The following TMEM132C variants were observed in gnomAD, a reference collection of about 807,000 sequenced individuals.
The protein encoded by TMEM132C is protein phosphatase 1, regulatory subunit 152.
Under a neutral mutation model 61.4 loss-of-function variants are expected in TMEM132C, and 29 were observed. That is an observed-to-expected ratio of 0.47 (90% CI 0.35 to 0.64). The LOEUF (loss-of-function observed/expected upper bound fraction) is 0.64, where lower values mean the gene tolerates loss of function less well. Among genes scored for constraint, TMEM132C ranks in the 30% least tolerant of loss-of-function variants. The probability of loss-of-function intolerance (pLI) is 0.00; values close to 1 mark genes in which losing one functional copy is unlikely to be tolerated. For synonymous variants in TMEM132C, 656 were observed against 633.1 expected (o/e 1.04, Z -0.54); for missense variants, 1,408 against 1,476.9 (o/e 0.95, Z 0.76).
At chr12:128,381,886 G>C (rs1874411747) in intron 1 of TMEM132C, among the ~76,000 whole-genome samples, 1 of 152,164 alleles carries the variant, frequency 6.6e-6, no homozygotes, top group Admixed American at 6.5e-5. Flanking sequence ...CTCTTAAGAG[G>C]AAAAGGGGAG....
chr12:128,622,959 A>T (rs191326096), intron 4 of TMEM132C, among the ~76,000 whole-genome samples: 1 of 152,174 alleles, frequency 6.6e-6, no homozygotes, highest in Admixed American at 6.5e-5. Context: ...AAAAATAACT[A>T]TATGGACAGA....
At chr12:128,507,042 A>T (rs1287374998) in intron 2 of TMEM132C, among the ~76,000 whole-genome samples, 3 of 152,056 alleles carry the variant, frequency 2.0e-5, no homozygotes, top group Admixed American at 6.6e-5. Flanking sequence ...CCCAGGGAAA[A>T]AGAAGTCCTG....
At chr12:128,410,829 A>G (rs887960280) in intron 1 of TMEM132C, among the ~76,000 whole-genome samples, 9 of 152,330 alleles carry the variant, frequency 5.9e-5, no homozygotes, top group East Asian at 1.9e-4. Flanking sequence ...AATTTTGCCA[A>G]TGGTCTCAAA....
chr12:128,362,002 T>C (rs758056343), intron 1 of TMEM132C, among the ~76,000 whole-genome samples: 4 of 151,878 alleles, frequency 2.6e-5, no homozygotes, highest in Non-Finnish European at 5.9e-5. Flanking sequence ...AACAAGCAGG[T>C]TGGGGGACTC....
chr12:128,675,883 A>AG (rs1566011931), intron 5 of TMEM132C, among the ~76,000 whole-genome samples: 24 of 86,720 alleles, frequency 2.8e-4, no homozygotes, highest in African/African-American at 1.4e-3. Context: ...ATAGATAGAT[A>AG]AATAGATAGA....
At chr12:128,654,606 T>C (rs1005541893) in intron 4 of TMEM132C, among the ~76,000 whole-genome samples, 1 of 152,192 alleles carries the variant, frequency 6.6e-6, no homozygotes, top group African/African-American at 2.4e-5. Context: ...CCAATAACTC[T>C]GAGCCGCTCT....
At chr12:128,388,286 C>G (rs12578533) in intron 1 of TMEM132C, among the ~76,000 whole-genome samples, 23,460 of 152,244 alleles carry the variant, frequency 0.15, 2,007 homozygotes, top group East Asian at 0.22. Context: ...AAGGGACGGC[C>G]CCTCCCTGAC....
intron 2 of TMEM132C, among the ~76,000 whole-genome samples, chr12:128,449,673 T>A (rs987639041): frequency 4.2e-4 from 64 of 152,316 alleles, no homozygotes; most frequent in African/African-American, 1.5e-3. Context: ...TCTGTTACAG[T>A]GTCACCCATC....
chr12:128,360,355 A>G (rs1001313625), intron 1 of TMEM132C, among the ~76,000 whole-genome samples: 2 of 152,302 alleles, frequency 1.3e-5, no homozygotes, highest in Middle Eastern at 6.8e-3. Flanking sequence ...CAGAATTTAG[A>G]TGATGATAGA....
chr12:128,467,556 C>G (rs1165476904), intron 2 of TMEM132C, among the ~76,000 whole-genome samples: 1 of 152,084 alleles, frequency 6.6e-6, no homozygotes, highest in Non-Finnish European at 1.5e-5. Context: ...TGTTGTTAGT[C>G]CATGAATTGG....
intron 3 of TMEM132C, among the ~76,000 whole-genome samples, chr12:128,603,332 G>T (rs12303033): frequency 0.024 from 3,598 of 152,334 alleles, 306 homozygotes; most frequent in East Asian, 0.19. Flanking sequence ...TGTGCATACT[G>T]GGGTGGGTAG....
chr12:128,423,798 C>G (rs1301153621), intron 2 of TMEM132C, among the ~76,000 whole-genome samples: 1 of 151,420 alleles, frequency 6.6e-6, no homozygotes, highest in Non-Finnish European at 1.5e-5. Context: ...CTTTGGGAGG[C>G]TGAGGCGGGC....
rs566184106 is a variant in TMEM132C, at chr12:128,284,299, G to A, written c.85+16812G>A. Among the ~76,000 whole-genome samples the A allele has an allele frequency of 1.1e-4, 17 of 152,330 alleles. No homozygotes were observed. In the East Asian group the frequency reaches 3.1e-3, roughly 28 times the overall value. On this transcript the variant is annotated intron_variant, in intron 1 of 8. Transcript: ENST00000435159. ...TTTAGGAGTGTATAGTGCTCTGGGA[G>A]GACCATCATTTGTGTGACAGATATA...
intron 3 of TMEM132C, among the ~76,000 whole-genome samples, chr12:128,569,389 T>C (rs1372861380): frequency 6.6e-6 from 1 of 152,192 alleles, no homozygotes; most frequent in Admixed American, 6.5e-5. Flanking sequence ...GGCCCAAGTA[T>C]ATTTTTTACT....
At chr12:128,419,825 T>C (rs983846478) in intron 2 of TMEM132C, among the ~76,000 whole-genome samples, 2 of 152,194 alleles carry the variant, frequency 1.3e-5, no homozygotes, top group Admixed American at 1.3e-4. Context: ...CAGGCATTGT[T>C]CTACAGCACT....
In TMEM132C at chr12:128,267,204, G is replaced by T. The variant is rs1405595175; in HGVS notation, c.-199G>T. Among the ~76,000 whole-genome samples, 1 of 147,126 alleles carries T rather than the reference G, an allele frequency of 6.8e-6. No individual in the cohort carries two copies. Among genetic ancestry groups the T allele is most frequent in the African/African-American group, 2.4e-5 (1 of 40,940 alleles). On this transcript the variant is annotated 5_prime_UTR_variant, in exon 1 of 9. Transcript: ENST00000435159. The stretch of plus-strand genomic sequence containing the variant: ...TCCCGGCCGGAGCGCGAGCAGCGGC[G>T]GAGCCGGAGCCGCCAGAGCCAGAGC...
chr12:128,538,654 C>A (rs12826451), intron 2 of TMEM132C, among the ~76,000 whole-genome samples: 1 of 152,050 alleles, frequency 6.6e-6, no homozygotes, highest in Non-Finnish European at 1.5e-5. Flanking sequence ...CTTCTCTCCA[C>A]GCACAGAGGC....
chr12:128,313,861 G>T (rs780340712), intron 1 of TMEM132C, among the ~76,000 whole-genome samples: 5 of 152,352 alleles, frequency 3.3e-5, no homozygotes, highest in South Asian at 4.1e-4. Flanking sequence ...GAGGACAAAA[G>T]AAATGGCCAA....
rs868215319 is a variant in TMEM132C, at chr12:128,695,907, C to T, written c.1733C>T (p.Thr578Ile). The change falls in exon 7 of 9, where the codon ACC (threonine) becomes ATC (isoleucine). Residue 578 changes from threonine to isoleucine, a missense_variant. By Grantham distance (89) the Thr-to-Ile change is moderately conservative. Transcript: ENST00000435159. ...TGCGCACTGCAATACCAGCACGCCACCGTGCGGGTCCTCACCCAGTTTGTG... is the reference window on the plus strand; with the variant it reads ...TGCGCACTGCAATACCAGCACGCCATCGTGCGGGTCCTCACCCAGTTTGTG... Reference protein sequence around the residue: ...RGCALQYQHATVRVLTQFVSE... With the variant: ...RGCALQYQHAIVRVLTQFVSE... The T allele has an allele frequency of 3.2e-6, 5 of 1,551,648 alleles. No individual in the cohort carries two copies. Among genetic ancestry groups the T allele is most frequent in the Non-Finnish European group, 3.5e-6 (4 of 1,146,992 alleles).
Sources: gnomAD v4.1 joint callset for allele counts (sites outside exome capture counted in the v4.1 genomes callset) on GRCh38, gnomAD v4.1.1 for gene constraint, MANE v1.5 for transcripts, NCBI Gene and HGNC (gene_info 2026-07-23, HGNC 2026-07-21) for gene names.